NTM: variants seen among roughly 807,000 people sequenced by gnomAD.
NTM encodes IgLON family member 2.
NTM carries 13 observed loss-of-function variants against 42.1 expected under a neutral mutation model. The ratio of observed to expected loss-of-function variants is 0.31; its 90% CI spans 0.20 to 0.49. NTM has a LOEUF of 0.49. NTM is among the 20% of genes least tolerant of loss of function. The pLI is 0.99. For synonymous variants in NTM, 187 were observed against 179.2 expected (o/e 1.04, Z -0.35); for missense variants, 373 against 452.8 (o/e 0.82, Z 1.60).
At chr11:131,817,903 C>G (rs2093016769) in intron 1 of NTM, among the ~76,000 whole-genome samples, 2 of 152,254 alleles carry the variant, frequency 1.3e-5, no homozygotes, top group Admixed American at 6.5e-5. Context: ...GGTGCCAGCT[C>G]CTGTTCCTGG....
At chr11:132,034,038 A>G (rs920441050) in intron 2 of NTM, among the ~76,000 whole-genome samples, 8 of 152,224 alleles carry the variant, frequency 5.3e-5, no homozygotes, top group Non-Finnish European at 8.8e-5. Context: ...AGATGGTCTT[A>G]TAGTTAACTT....
At chr11:131,778,657 G>A (rs2087496497) in intron 1 of NTM, among the ~76,000 whole-genome samples, 1 of 152,198 alleles carries the variant, frequency 6.6e-6, no homozygotes. Flanking sequence ...GATGGTAAAA[G>A]TCATATGCAG....
intron 2 of NTM, among the ~76,000 whole-genome samples, chr11:132,111,063 CAAAAAAAAAAAAAAAAAAAAAAAAAAAAA>C (rs57458373): frequency 7.6e-4 from 27 of 35,466 alleles, no homozygotes; most frequent in African/African-American, 2.5e-3. Flanking sequence ...GGCCCTATCT[CAAAAAAAAAAAAAAAAAAAAAAAAAAAAA>C]AAAAAAAAAA....
intron 1 of NTM, among the ~76,000 whole-genome samples, chr11:131,664,752 T>G (rs1010907166): frequency 1.4e-5 from 1 of 70,864 alleles, no homozygotes; most frequent in African/African-American, 4.8e-5. Flanking sequence ...TCTCTTCCAT[T>G]GTTTTTTTTT....
intron 1 of NTM, among the ~76,000 whole-genome samples, chr11:131,552,217 C>A (rs183763034): frequency 7.9e-4 from 120 of 152,276 alleles, no homozygotes; most frequent in African/African-American, 2.9e-3. Context: ...CAGAAAATAA[C>A]CCTGCCAACA....
At chr11:131,834,164 C>T (rs114401742) in intron 1 of NTM, among the ~76,000 whole-genome samples, 3,188 of 152,190 alleles carry the variant, frequency 0.021, 94 homozygotes, top group African/African-American at 0.069. Flanking sequence ...TTCTCTGCCA[C>T]GGTGCTACTC....
chr11:131,517,822 C>G (rs910866376), intron 1 of NTM, among the ~76,000 whole-genome samples: 1 of 152,176 alleles, frequency 6.6e-6, no homozygotes, highest in Non-Finnish European at 1.5e-5. Flanking sequence ...TGCTTGCTTT[C>G]TCATTACCCA....
chr11:132,119,804 C>T lies in NTM; in HGVS notation c.168-26478C>T, dbSNP rs577978938. 1.7e-3 allele frequency among the ~76,000 whole-genome samples: 257 copies of T among 152,340 alleles called. 1 individual carries two copies. Among genetic ancestry groups the T allele is most frequent in the African/African-American group, 5.9e-3 (245 of 41,584 alleles). ...AATGAAATGCAATCACCTGGCAATG[C>T]ACAGGCAGTGCTGGGTTAGGGTTCA... On this transcript the variant is annotated intron_variant, in intron 2 of 8. Transcript: ENST00000683400.
rs936404720 is a variant in NTM at position 132,305,029 on chromosome 11, C to G, written c.527-2660C>G. ...CACAAGATCACCTGACATAAATATACAAAACTACACATAAATTAATGTGGC... is the reference window on the plus strand; with the variant it reads ...CACAAGATCACCTGACATAAATATAGAAAACTACACATAAATTAATGTGGC... On this transcript the variant is annotated intron_variant, in intron 4 of 8. Transcript: ENST00000683400. Among the ~76,000 whole-genome samples, 3 of 152,150 alleles carry G rather than the reference C, an allele frequency of 2.0e-5. No individual in the cohort carries two copies. The East Asian group carries it at 5.8e-4, about 29-fold the overall frequency.
At chr11:131,444,085 A>G (rs1409652725) in intron 1 of NTM, among the ~76,000 whole-genome samples, 1 of 152,130 alleles carries the variant, frequency 6.6e-6, no homozygotes, top group Non-Finnish European at 1.5e-5. Context: ...AAAGTAATAG[A>G]AAACTTACAT....
chr11:131,500,759 G>T (rs542423613), intron 1 of NTM, among the ~76,000 whole-genome samples: 5 of 105,846 alleles, frequency 4.7e-5, no homozygotes, highest in African/African-American at 1.9e-4. Flanking sequence ...AACAGGCCTC[G>T]GTGTATGATG....
intron 2 of NTM, among the ~76,000 whole-genome samples, chr11:132,043,515 G>T (rs1051970717): frequency 6.6e-6 from 1 of 151,704 alleles, no homozygotes; most frequent in African/African-American, 2.4e-5. Context: ...AAGAGACCTG[G>T]GTGCACGTTG....
At position 132,313,915 on chromosome 11, in the gene NTM, G is replaced by T. The variant is rs79381298; in HGVS notation, c.783-637G>T. Among the ~76,000 whole-genome samples, 735 of 152,120 alleles carry T rather than the reference G, an allele frequency of 4.8e-3. 9 individuals are homozygous for T. Among genetic ancestry groups the T allele is most frequent in the African/African-American group, 0.017 (691 of 41,478 alleles). On this transcript the variant is annotated intron_variant, in intron 6 of 8. Transcript: ENST00000683400. ...TTCTTGGGAACCTCTAATCCTTCCA[G>T]ACTAATCCTCTATAACAGTCTGGGC...
intron 7 of NTM, among the ~76,000 whole-genome samples, chr11:132,319,898 G>A (rs186919084): frequency 2.2e-4 from 34 of 152,248 alleles, no homozygotes; most frequent in Admixed American, 9.1e-4. Context: ...TCACACAGCC[G>A]GGTACTCCTC....
intron 7 of NTM, among the ~76,000 whole-genome samples, chr11:132,325,505 T>A (rs962667939): frequency 1.9e-3 from 287 of 151,882 alleles, no homozygotes; most frequent in Admixed American, 3.5e-3. Flanking sequence ...ATCATTAAAA[T>A]GTCAGGAAAC....
At chr11:131,680,105 CCAGA>C (rs886422016) in intron 1 of NTM, among the ~76,000 whole-genome samples, 2 of 151,988 alleles carry the variant, frequency 1.3e-5, no homozygotes, top group Non-Finnish European at 2.9e-5. Context: ...AGATGTGAAC[CCAGA>C]CAAAGACAGT....
At chr11:132,027,409 A>G (rs963248514) in intron 2 of NTM, among the ~76,000 whole-genome samples, 4 of 152,222 alleles carry the variant, frequency 2.6e-5, no homozygotes, top group African/African-American at 9.6e-5. Context: ...ATATTTTAAC[A>G]TTTATTGCAA....
intron 1 of NTM, among the ~76,000 whole-genome samples, chr11:131,819,233 G>T (rs1028218869): frequency 2.0e-5 from 3 of 152,104 alleles, no homozygotes; most frequent in Admixed American, 6.5e-5. Flanking sequence ...GTAGTTCAAA[G>T]CTTCTCAACT....
At chr11:132,262,967 C>T (rs2139567866) in intron 4 of NTM, among the ~76,000 whole-genome samples, 1 of 152,332 alleles carries the variant, frequency 6.6e-6, no homozygotes, top group South Asian at 2.1e-4. Flanking sequence ...ATGGGGTAGG[C>T]ATTCCCATTC....
Sources: allele counts gnomAD v4.1 joint callset (sites outside exome capture counted in the v4.1 genomes callset), GRCh38; gene constraint gnomAD v4.1.1; transcripts MANE v1.5; gene names NCBI Gene and HGNC (gene_info 2026-07-23, HGNC 2026-07-21).